Variants in CCBE1 observed in about 807,000 individuals in gnomAD.
The protein encoded by CCBE1 is collagen and calcium binding EGF domains 1, also known as collagen and calcium-binding EGF domain-containing protein 1.
CCBE1 carries 37 observed loss-of-function variants against 50.0 expected under a neutral mutation model. The ratio of observed to expected loss-of-function variants is 0.74; its 90% CI spans 0.57 to 0.97. CCBE1 has a LOEUF of 0.97. CCBE1 is among the 50% of genes least tolerant of loss of function. CCBE1 has a pLI of 0.00. For missense variants in CCBE1, 538 were observed against 523.8 expected (o/e 1.03, Z -0.26); for synonymous variants, 234 against 203.7 (o/e 1.15, Z -1.27).
Position 59,504,984 on chromosome 18 carries a change from C to T in CCBE1, c.213-24746G>A, listed in dbSNP as rs542403403. On this transcript the variant is annotated intron_variant, in intron 2 of 10. Coordinates refer to ENST00000439986, the MANE Select transcript of CCBE1 (RefSeq NM_133459.4). ...AGTCCAAACCTGGGCCATACCCCTG[C>T]CATCACACAAATGCATCATGGGGCC... is the stretch of plus-strand genomic sequence containing the variant. Among the ~76,000 whole-genome samples, 5 of 152,282 alleles carry T rather than the reference C, an allele frequency of 3.3e-5. No homozygotes were observed. The South Asian group carries it at 8.3e-4, about 25-fold the overall frequency.
At chr18:59,666,880 G>T (rs997663951) in intron 2 of CCBE1, among the ~76,000 whole-genome samples, 5 of 152,138 alleles carry the variant, frequency 3.3e-5, no homozygotes, top group Admixed American at 6.5e-5. Flanking sequence ...CAGGAAAATC[G>T]CTTGAACCTG....
intron 2 of CCBE1, among the ~76,000 whole-genome samples, chr18:59,490,781 T>C (rs1254762210): frequency 6.6e-6 from 1 of 152,242 alleles, no homozygotes; most frequent in Non-Finnish European, 1.5e-5. Context: ...TAGTAGGATA[T>C]TCATTAATTT....
At chr18:59,583,707 G>A (rs1055954696) in intron 2 of CCBE1, among the ~76,000 whole-genome samples, 5 of 150,682 alleles carry the variant, frequency 3.3e-5, no homozygotes, top group Admixed American at 6.8e-5. Context: ...GCGCGTGTGT[G>A]TGTATGTCTG....
At chr18:59,517,470 T>G (rs12970211) in intron 2 of CCBE1, among the ~76,000 whole-genome samples, 3,339 of 152,270 alleles carry the variant, frequency 0.022, 145 homozygotes, top group East Asian at 0.2. Context: ...AAAATTCATT[T>G]AGTAACATAT....
chr18:59,617,961 T>C (rs2053659120), intron 2 of CCBE1, among the ~76,000 whole-genome samples: 1 of 152,192 alleles, frequency 6.6e-6, no homozygotes, highest in South Asian at 2.1e-4. Flanking sequence ...CTCGTGCCAC[T>C]CGCCTCAAAG....
chr18:59,488,885 G>A (rs964466504), intron 2 of CCBE1, among the ~76,000 whole-genome samples: 1 of 151,960 alleles, frequency 6.6e-6, no homozygotes, highest in African/African-American at 2.4e-5. Flanking sequence ...CTCCCCCACC[G>A]AGCCCACCTG....
intron 2 of CCBE1, among the ~76,000 whole-genome samples, chr18:59,608,602 A>G (rs1198141952): frequency 6.6e-6 from 1 of 152,150 alleles, no homozygotes; most frequent in Non-Finnish European, 1.5e-5. Flanking sequence ...TTTGTCAACT[A>G]CTCAAGAGAG....
intron 2 of CCBE1, among the ~76,000 whole-genome samples, chr18:59,659,896 C>CA (rs2054259001): frequency 6.6e-6 from 1 of 152,214 alleles, no homozygotes. Context: ...GAGGTCCCCC[C>CA]TCCCAGTTCT....
In CCBE1 at chr18:59,612,833, TTTG is replaced by T. The variant is rs1568234054; in HGVS notation, c.212+83793_212+83795del. 2.7e-3 allele frequency among the ~76,000 whole-genome samples: 300 copies of T among 112,310 alleles called. 3 individuals carry two copies. The highest frequency in any genetic ancestry group is 0.01 in the African/African-American group (290 of 28,690). 73.7% of individuals were successfully genotyped at this position (112,310 alleles called of 152,430 possible). On this transcript the variant is annotated intron_variant, in intron 2 of 10. Coordinates refer to ENST00000439986, the MANE Select transcript of CCBE1 (RefSeq NM_133459.4). Reference sequence around the variant, plus strand: ...CTCAAGGGTTTTTTTTTTGTTTTTTTTTGTTTTTGTTTTTGTTTTTTTTAATGT... The same window carrying T: ...CTCAAGGGTTTTTTTTTTGTTTTTTTTTTTTGTTTTTGTTTTTTTTAATGT...
chr18:59,652,897 G>A (rs1376053573), intron 2 of CCBE1, among the ~76,000 whole-genome samples: 4 of 151,880 alleles, frequency 2.6e-5, no homozygotes, highest in Non-Finnish European at 5.9e-5. Flanking sequence ...CTGGGAGGCG[G>A]AGCTTGCAGT....
intron 2 of CCBE1, among the ~76,000 whole-genome samples, chr18:59,565,466 G>A (rs1379810341): frequency 6.6e-6 from 1 of 152,172 alleles, no homozygotes; most frequent in Non-Finnish European, 1.5e-5. Context: ...GGGGCGAGGG[G>A]CAGGCTGGGC....
intron 2 of CCBE1, among the ~76,000 whole-genome samples, chr18:59,515,534 G>C (rs1223232114): frequency 6.6e-6 from 1 of 152,148 alleles, no homozygotes; most frequent in Non-Finnish European, 1.5e-5. Flanking sequence ...ACGATATTTT[G>C]AGTCTATCTT....
At chr18:59,635,969 C>T (rs893374548) in intron 2 of CCBE1, among the ~76,000 whole-genome samples, 1 of 151,966 alleles carries the variant, frequency 6.6e-6, no homozygotes, top group Non-Finnish European at 1.5e-5. Context: ...TCAAGACCAG[C>T]CTGGGTAACA....
intron 6 of CCBE1, among the ~76,000 whole-genome samples, chr18:59,453,216 T>C (rs1911023843): frequency 6.6e-6 from 1 of 152,226 alleles, no homozygotes; most frequent in Admixed American, 6.5e-5. Flanking sequence ...TGAGGGTAGC[T>C]TTATGCCTTG....
intron 2 of CCBE1, among the ~76,000 whole-genome samples, chr18:59,524,029 G>T (rs1173834604): frequency 3.9e-5 from 6 of 152,132 alleles, no homozygotes; most frequent in African/African-American, 1.2e-4. Flanking sequence ...AACTTTTAAA[G>T]CATTATTCAG....
In CCBE1 at chr18:59,432,864, C is replaced by T. The variant is rs543415603; in HGVS notation, c.*3044G>A. 3.3e-5 allele frequency: 5 copies of T among 152,178 alleles called. No individual in the cohort carries two copies. Among genetic ancestry groups the T allele is most frequent in the Admixed American group, 1.3e-4 (2 of 15,286 alleles). 9.4% of individuals were successfully genotyped at this position (152,178 alleles called of 1,614,324 possible). A position where few individuals can be genotyped will look rare whatever the true frequency, so the allele number is the denominator to read the frequency against. ...AGATCATATTTCTAAATACAGTTCA[C>T]TGTCAAAGAAAAGGTATTAAAATTC... On this transcript the variant is annotated 3_prime_UTR_variant, in exon 11 of 11. Coordinates refer to ENST00000439986, the MANE Select transcript of CCBE1 (RefSeq NM_133459.4).
chr18:59,576,293 A>G (rs2052994163), intron 2 of CCBE1, among the ~76,000 whole-genome samples: 1 of 152,240 alleles, frequency 6.6e-6, no homozygotes, highest in African/African-American at 2.4e-5. Flanking sequence ...ACTCAAGAAC[A>G]GAGCTGCCAG....
At chr18:59,613,115 C>T (rs1033450973) in intron 2 of CCBE1, among the ~76,000 whole-genome samples, 3 of 151,842 alleles carry the variant, frequency 2.0e-5, no homozygotes, top group African/African-American at 7.3e-5. Flanking sequence ...CTGCTCTTAT[C>T]GGAAGTAACT....
Position 59,618,581 on chromosome 18 carries a change from C to T in CCBE1, c.212+78048G>A, listed in dbSNP as rs534491100. ...ACCTGAGTAGCGGGGACTACAGGTG[C>T]GTGCCACCAAACCCTGCTAATTTTT... On this transcript the variant is annotated intron_variant, in intron 2 of 10. Transcript: ENST00000439986. Among the ~76,000 whole-genome samples, 20 of 152,110 alleles carry T rather than the reference C, an allele frequency of 1.3e-4. No individual in the cohort carries two copies. In the South Asian group the frequency reaches 3.1e-3, roughly 24 times the overall value.
Sources: allele counts gnomAD v4.1 joint callset (sites outside exome capture counted in the v4.1 genomes callset), GRCh38; gene constraint gnomAD v4.1.1; transcripts MANE v1.5; gene names NCBI Gene and HGNC (gene_info 2026-07-23, HGNC 2026-07-21).